Variants in DCLK1 observed in about 807,000 individuals in gnomAD.
DCLK1 encodes the protein serine/threonine-protein kinase DCLK1.
In DCLK1, 16 loss-of-function variants were observed where a neutral mutation model predicts 86.2. The observed-to-expected ratio is 0.19, with a 90% confidence interval of 0.13 to 0.28. The LOEUF is 0.28. Among genes scored for constraint, DCLK1 ranks in the 10% least tolerant of loss-of-function variants. DCLK1 has a pLI of 1.00. For missense variants in DCLK1, 590 were observed against 940.2 expected (o/e 0.63, Z 4.87); for synonymous variants, 369 against 370.5 (o/e 1.00, Z 0.05).
In DCLK1 at chr13:36,084,252, G is replaced by C. The variant is rs562852332; in HGVS notation, c.723+27617C>G. Among the ~76,000 whole-genome samples the C allele has an allele frequency of 1.8e-4, 28 of 152,286 alleles. No individual in the cohort carries two copies. In the South Asian group the frequency reaches 5.8e-3, roughly 32 times the overall value. ...AGATGCAAGAATCAGCAGACAGACA[G>C]TAGCTCGGTTTGTCTTCCATTTCCC... On this transcript the variant is annotated intron_variant, in intron 3 of 16. Coordinates refer to ENST00000360631, the MANE Select transcript of DCLK1 (RefSeq NM_001330071.2).
chr13:35,890,854 G>A (rs1407473423), intron 4 of DCLK1, among the ~76,000 whole-genome samples: 1 of 144,594 alleles, frequency 6.9e-6, no homozygotes, highest in Non-Finnish European at 1.5e-5. Context: ...TAAATTGCCT[G>A]TTAATATCCC....
chr13:35,812,203 T>C (rs4542532), intron 11 of DCLK1, among the ~76,000 whole-genome samples: 45,916 of 152,132 alleles, frequency 0.3, 7,276 homozygotes, highest in East Asian at 0.39. Context: ...TAACTTATTT[T>C]ATTTCAAAGA....
At chr13:35,804,671 G>A (rs1049085669) in intron 15 of DCLK1, among the ~76,000 whole-genome samples, 39 of 151,800 alleles carry the variant, frequency 2.6e-4, no homozygotes, top group African/African-American at 5.1e-4. Flanking sequence ...GGCTTCAAGC[G>A]ATCTGCCGGC....
At chr13:35,941,498 G>A (rs377333731) in intron 4 of DCLK1, among the ~76,000 whole-genome samples, 2 of 152,190 alleles carry the variant, frequency 1.3e-5, no homozygotes, top group African/African-American at 2.4e-5. Flanking sequence ...CTACAGGCAC[G>A]TCTGTCTGGT....
intron 11 of DCLK1, among the ~76,000 whole-genome samples, chr13:35,817,818 G>T (rs901530875): frequency 6.6e-6 from 1 of 152,142 alleles, no homozygotes; most frequent in Non-Finnish European, 1.5e-5. Flanking sequence ...CACACTGAAC[G>T]AACAGCCTTC....
chr13:35,860,598 T>C (rs1025129090), intron 5 of DCLK1, among the ~76,000 whole-genome samples: 6 of 152,126 alleles, frequency 3.9e-5, no homozygotes, highest in African/African-American at 1.4e-4. Flanking sequence ...TTTAAATAAA[T>C]ACTTACAAAG....
intron 4 of DCLK1, among the ~76,000 whole-genome samples, chr13:35,933,518 C>T (rs1002250930): frequency 3.3e-5 from 5 of 152,218 alleles, no homozygotes; most frequent in Non-Finnish European, 4.4e-5. Context: ...TCTGACATCT[C>T]GGCAGAAGTT....
At chr13:35,913,083 A>G (rs1246308139) in intron 4 of DCLK1, among the ~76,000 whole-genome samples, 1 of 152,184 alleles carries the variant, frequency 6.6e-6, no homozygotes, top group Non-Finnish European at 1.5e-5. Context: ...CCTGCATCAC[A>G]AGGAGCTTCA....
intron 3 of DCLK1, among the ~76,000 whole-genome samples, chr13:36,044,211 C>T (rs1178085222): frequency 6.6e-6 from 1 of 152,162 alleles, no homozygotes; most frequent in Non-Finnish European, 1.5e-5. Flanking sequence ...TTCTTGTGGC[C>T]TCACCTGAAG....
At chr13:35,824,238 A>G (rs2087467722) in intron 10 of DCLK1, among the ~76,000 whole-genome samples, 1 of 152,184 alleles carries the variant, frequency 6.6e-6, no homozygotes, top group Admixed American at 6.5e-5. Context: ...GTGCAGTAGC[A>G]CAATCATGGC....
At chr13:35,862,487 T>A (rs902530720) in intron 5 of DCLK1, among the ~76,000 whole-genome samples, 3 of 152,198 alleles carry the variant, frequency 2.0e-5, no homozygotes, top group East Asian at 3.9e-4. Flanking sequence ...TGGCCTTTCA[T>A]GTGTAGCAAT....
chr13:36,129,559 A>G (rs1255847135), intron 1 of DCLK1, among the ~76,000 whole-genome samples: 1 of 152,216 alleles, frequency 6.6e-6, no homozygotes, highest in Non-Finnish European at 1.5e-5. Flanking sequence ...TGGCAACAAA[A>G]TAGGTGTTCT....
chr13:35,906,768 G>C (rs1295241018), intron 4 of DCLK1, among the ~76,000 whole-genome samples: 1 of 152,192 alleles, frequency 6.6e-6, no homozygotes, highest in Non-Finnish European at 1.5e-5. Context: ...GTGAGTTGTA[G>C]GACACCTTGG....
intron 2 of DCLK1, among the ~76,000 whole-genome samples, chr13:36,117,164 GA>G (rs67608409): frequency 0.11 from 16,334 of 146,798 alleles, 1,371 homozygotes; most frequent in East Asian, 0.27. Flanking sequence ...CAACATTAAG[GA>G]AAAAAAAAAT....
intron 4 of DCLK1, among the ~76,000 whole-genome samples, chr13:35,907,125 G>T (rs889835879): frequency 2.0e-5 from 3 of 150,724 alleles, no homozygotes; most frequent in East Asian, 3.9e-4. Context: ...GTGCCAGTGA[G>T]CTTTCTTCCA....
chr13:35,919,050 C>A lies in DCLK1; in HGVS notation c.823+28308G>T, dbSNP rs138541077. 3.3e-5 allele frequency among the ~76,000 whole-genome samples: 5 copies of A among 151,794 alleles called. No individual in the cohort carries two copies. In the East Asian group the frequency reaches 7.8e-4, roughly 24 times the overall value. On this transcript the variant is annotated intron_variant, in intron 4 of 16. Transcript: ENST00000360631. ...CTGGGTAGCTGTGGTTACAGGCATGCGCCACCATGCTTGGCTAACTTTTGT... is the reference window on the plus strand; with the variant it reads ...CTGGGTAGCTGTGGTTACAGGCATGAGCCACCATGCTTGGCTAACTTTTGT...
chr13:35,784,384 A>G (rs1038160449), intron 16 of DCLK1, among the ~76,000 whole-genome samples: 1 of 152,212 alleles, frequency 6.6e-6, no homozygotes, highest in East Asian at 1.9e-4. Flanking sequence ...AAACAAAATA[A>G]AAGAAAATAA....
At chr13:36,056,597 C>A (rs1354871345) in intron 3 of DCLK1, among the ~76,000 whole-genome samples, 1 of 131,328 alleles carries the variant, frequency 7.6e-6, no homozygotes. Context: ...GCACATGTAC[C>A]CTAAAACTTA....
chr13:36,111,124 G>A (rs370186676), intron 3 of DCLK1, among the ~76,000 whole-genome samples: 4 of 152,022 alleles, frequency 2.6e-5, no homozygotes, highest in African/African-American at 4.8e-5. Context: ...GTGAGCCACC[G>A]TGCCCGGCCC....
Sources: gnomAD v4.1 joint callset for allele counts (sites outside exome capture counted in the v4.1 genomes callset) on GRCh38, gnomAD v4.1.1 for gene constraint, MANE v1.5 for transcripts, NCBI Gene and HGNC (gene_info 2026-07-23, HGNC 2026-07-21) for gene names.